The following ZNF280D variants were observed in gnomAD, a reference collection of about 807,000 sequenced individuals.
The protein encoded by ZNF280D is suppressor of hairy wing homolog 4.
In ZNF280D, 39 loss-of-function variants were observed where a neutral mutation model predicts 94.7. That is an observed-to-expected ratio of 0.41 (90% CI 0.32 to 0.54). ZNF280D has a LOEUF of 0.54. Ranked by LOEUF, ZNF280D falls within the 20% of genes least tolerant of loss-of-function variation. The pLI, the probability that ZNF280D is intolerant of heterozygous loss-of-function variation, is 0.22. For missense variants in ZNF280D, 1,090 were observed against 1,149.3 expected (o/e 0.95, Z 0.75); for synonymous variants, 398 against 377.6 (o/e 1.05, Z -0.63).
intron 1 of ZNF280D, among the ~76,000 whole-genome samples, chr15:56,722,250 T>G (rs2058407029): frequency 6.6e-6 from 1 of 152,150 alleles, no homozygotes; most frequent in South Asian, 2.1e-4. Context: ...AATATAATAA[T>G]TTAAAGTCTG....
Position 56,655,979 on chromosome 15 carries a change from C to G in ZNF280D, c.2058-1476G>C, listed in dbSNP as rs574040280. Among the ~76,000 whole-genome samples, 22 of 152,294 alleles carry G rather than the reference C, an allele frequency of 1.4e-4. 1 individual carries two copies. Among genetic ancestry groups the G allele is most frequent in the African/African-American group, 5.1e-4 (21 of 41,564 alleles). On this transcript the variant is annotated intron_variant, in intron 17 of 21. Transcript: ENST00000267807. ...TCTATTGAACTAGAATGCCCCGTGCCTCTTCTACCAGTAGAAACAATACCC... is the reference window on the plus strand; with the variant it reads ...TCTATTGAACTAGAATGCCCCGTGCGTCTTCTACCAGTAGAAACAATACCC...
intron 10 of ZNF280D, among the ~76,000 whole-genome samples, chr15:56,679,252 C>T (rs956661308): frequency 5.9e-5 from 9 of 151,978 alleles, no homozygotes; most frequent in Non-Finnish European, 1.3e-4. Flanking sequence ...TAAAGGAAAC[C>T]CTATCACCAA....
chr15:56,699,760 T>TTATGCACAC (rs1213377056), intron 6 of ZNF280D: 5 of 166,546 alleles, frequency 3.0e-5, no homozygotes, highest in African/African-American at 1.2e-4. Flanking sequence ...CAGAGGTACT[T>TTATGCACAC]TATGCACACT....
At position 56,668,941 on chromosome 15, in the gene ZNF280D, C is replaced by T. The variant is rs763031678; in HGVS notation, c.1427G>A (p.Arg476His). The change falls in exon 14 of 22, where the codon CGT becomes CAT. Residue 476 changes from arginine to histidine, a missense_variant. By Grantham distance (29) the Arg-to-His change is conservative. Around this residue, in one of 3 missense-constraint regions of ZNF280D, gnomAD observed 127 missense variants for 208.6 expected, o/e 0.61. Coordinates refer to ENST00000267807, the MANE Select transcript of ZNF280D (RefSeq NM_017661.4). The stretch of plus-strand genomic sequence containing the variant: ...AAACTGCAGCCTGCATTTTGTACAA[C>T]GATGTATTCCTTTTTTCTGTTTAGA... The part of the protein sequence containing the change: ...YMKHQKKGIH[R>H]CTKCRLQFLT... 5.6e-6 allele frequency: 9 copies of T among 1,607,650 alleles called. No individual in the cohort carries two copies. The highest frequency in any genetic ancestry group is 1.1e-5 in the South Asian group (1 of 89,410).
Position 56,677,631 on chromosome 15 carries a change from A to C in ZNF280D, c.1206T>G (p.Val402=). The C allele has an allele frequency of 6.2e-7, 1 of 1,608,208 alleles. No homozygotes were observed. Among genetic ancestry groups the C allele is most frequent in the Non-Finnish European group, 8.5e-7 (1 of 1,177,166 alleles). Reference sequence around the variant, plus strand: ...GATTGTCCTTCATATGTTGTAAAAGAACATGTTCTGTTTCAAATGACAATT... The same window carrying C: ...GATTGTCCTTCATATGTTGTAAAAGCACATGTTCTGTTTCAAATGACAATT... ...ICELSFETEH[V]LLQHMKDNHK... is the part of the protein sequence containing the mutation. Residue 402 remains valine, a synonymous_variant, in exon 12 of 22, where the codon GTT becomes GTG. Transcript: ENST00000267807.
chr15:56,654,291 G>A (rs2053393790), intron 18 of ZNF280D, 57 bp from the exon 19 acceptor site: 2 of 1,597,342 alleles, frequency 1.3e-6, no homozygotes, highest in Non-Finnish European at 1.7e-6. Context: ...TGATGAGTGA[G>A]AATAATGATT....
At chr15:56,730,764 ACTT>A (rs1217212258) in intron 1 of ZNF280D, among the ~76,000 whole-genome samples, 8 of 152,140 alleles carry the variant, frequency 5.3e-5, no homozygotes, top group East Asian at 1.9e-4. Context: ...AATTGTCTCC[ACTT>A]CTTCTTCTTC....
chr15:56,722,040 T>C (rs915568207), intron 1 of ZNF280D, among the ~76,000 whole-genome samples: 3 of 152,182 alleles, frequency 2.0e-5, no homozygotes, highest in Non-Finnish European at 2.9e-5. Context: ...AAGTTATTAA[T>C]TGGCCTAATT....
chr15:56,717,192 A>G (rs2058093187), intron 1 of ZNF280D, among the ~76,000 whole-genome samples: 2 of 152,164 alleles, frequency 1.3e-5, no homozygotes, highest in Admixed American at 1.3e-4. Context: ...GCACAAGAAT[A>G]AAGATTGGAG....
chr15:56,704,488 GTAGT>G (rs1320244918), intron 3 of ZNF280D, among the ~76,000 whole-genome samples: 7 of 152,122 alleles, frequency 4.6e-5, no homozygotes, highest in African/African-American at 1.7e-4. Context: ...ATCAATGACA[GTAGT>G]TATTTACCGT....
intron 1 of ZNF280D, among the ~76,000 whole-genome samples, chr15:56,714,174 A>G (rs1167782881): frequency 6.6e-6 from 1 of 152,160 alleles, no homozygotes. Flanking sequence ...TCCAGTTGTT[A>G]CTGTTAAAAA....
chr15:56,675,504 T>C (rs1218718644), intron 13 of ZNF280D, among the ~76,000 whole-genome samples: 2 of 151,878 alleles, frequency 1.3e-5, no homozygotes, highest in Non-Finnish European at 2.9e-5. Flanking sequence ...TAAATATCTG[T>C]ATTAAATTTT....
chr15:56,633,539 G>C (rs540247419), intron 21 of ZNF280D, among the ~76,000 whole-genome samples: 1 of 151,772 alleles, frequency 6.6e-6, no homozygotes, highest in South Asian at 2.1e-4. Flanking sequence ...CGTCCAGGGT[G>C]GGGTGCAGTG....
intron 9 of ZNF280D, among the ~76,000 whole-genome samples, chr15:56,684,107 G>A (rs898962022): frequency 8.5e-5 from 13 of 152,114 alleles, no homozygotes; most frequent in East Asian, 1.9e-4. Flanking sequence ...GCAGAAAGGC[G>A]GTGCTACATA....
At chr15:56,674,278 G>A (rs1010758267) in intron 13 of ZNF280D, among the ~76,000 whole-genome samples, 1 of 151,870 alleles carries the variant, frequency 6.6e-6, no homozygotes, top group Non-Finnish European at 1.5e-5. Context: ...TTCCTTAGTT[G>A]GACTCAAGTC....
intron 19 of ZNF280D, chr15:56,653,996 G>C (rs1283212216): frequency 5.6e-6 from 8 of 1,431,094 alleles, no homozygotes; most frequent in Non-Finnish European, 7.3e-6. Flanking sequence ...TCAGAACTTT[G>C]AACTTAGGAA....
chr15:56,657,436 AAT>A (rs1197911071), intron 17 of ZNF280D, among the ~76,000 whole-genome samples: 3 of 152,134 alleles, frequency 2.0e-5, no homozygotes, highest in African/African-American at 7.2e-5. Context: ...TTAATATTCA[AAT>A]ATTGTTGGCG....
chr15:56,710,276 C>T (rs1368703569), intron 1 of ZNF280D, among the ~76,000 whole-genome samples: 5 of 152,128 alleles, frequency 3.3e-5, no homozygotes, highest in South Asian at 2.1e-4. Context: ...TGGTGGCACA[C>T]GCCTGTAGTC....
At chr15:56,726,333 A>G (rs1450501696) in intron 1 of ZNF280D, among the ~76,000 whole-genome samples, 1 of 152,150 alleles carries the variant, frequency 6.6e-6, no homozygotes, top group African/African-American at 2.4e-5. Flanking sequence ...TCAGAGTCCA[A>G]AGGAAACTAG....
Sources: allele counts gnomAD v4.1 joint callset (sites outside exome capture counted in the v4.1 genomes callset), GRCh38; gene constraint gnomAD v4.1.1; regional missense constraint gnomAD v4.1.1; transcripts MANE v1.5; gene names NCBI Gene and HGNC (gene_info 2026-07-23, HGNC 2026-07-21).